CNTNAP4: variants seen among roughly 807,000 people sequenced by gnomAD.
CNTNAP4 encodes contactin-associated protein-like 4.
Under a neutral mutation model 148.4 loss-of-function variants are expected in CNTNAP4, and 98 were observed. The ratio of observed to expected loss-of-function variants is 0.66; its 90% CI spans 0.56 to 0.78. The LOEUF (loss-of-function observed/expected upper bound fraction) is 0.78, where lower values mean the gene tolerates loss of function less well. Among genes scored for constraint, CNTNAP4 ranks in the 30% least tolerant of loss-of-function variants. The pLI is 0.00. For missense variants in CNTNAP4, 1,935 were observed against 1,565.6 expected, an observed-to-expected ratio of 1.24 and a Z score of -3.98; for synonymous variants, 730 against 565.1, an observed-to-expected ratio of 1.29 and a Z score of -4.14.
intron 2 of CNTNAP4, among the ~76,000 whole-genome samples, chr16:76,350,245 C>G (rs993065679): frequency 6.6e-6 from 1 of 152,122 alleles, no homozygotes; most frequent in African/African-American, 2.4e-5. Context: ...CATCCTCCCA[C>G]TGATTAAAAT....
intron 23 of CNTNAP4, among the ~76,000 whole-genome samples, chr16:76,554,972 T>C (rs769052390): frequency 6.6e-6 from 1 of 151,688 alleles, no homozygotes; most frequent in Non-Finnish European, 1.5e-5. Context: ...TTTATTCATA[T>C]CATATATGAA....
chr16:76,376,819 T>G (rs1393211652), intron 3 of CNTNAP4, among the ~76,000 whole-genome samples: 1 of 151,876 alleles, frequency 6.6e-6, no homozygotes, highest in Non-Finnish European at 1.5e-5. Context: ...GTCAGAACCA[T>G]GTAGAAAAGG....
At chr16:76,479,655 T>C in intron 12 of CNTNAP4, 117 bp downstream of exon 12, 1 of 1,010,132 alleles carries the variant, frequency 9.9e-7, no homozygotes, top group South Asian at 1.7e-5. Flanking sequence ...AAATATGTAT[T>C]GTTCCTTAGA....
intron 3 of CNTNAP4, among the ~76,000 whole-genome samples, chr16:76,407,817 G>T (rs567777715): frequency 6.6e-6 from 1 of 152,192 alleles, no homozygotes; most frequent in Non-Finnish European, 1.5e-5. Flanking sequence ...TGAGAGGATT[G>T]ACTTTAATTT....
At chr16:76,345,413 C>T (rs1597264892) in intron 2 of CNTNAP4, among the ~76,000 whole-genome samples, 2 of 152,146 alleles carry the variant, frequency 1.3e-5, no homozygotes, top group Non-Finnish European at 2.9e-5. Flanking sequence ...AGAAAAATTG[C>T]ACTGAATTGA....
chr16:76,476,228 G>A (rs907761482), intron 11 of CNTNAP4, among the ~76,000 whole-genome samples, 183 bp downstream of exon 11: 2 of 152,144 alleles, frequency 1.3e-5, no homozygotes, highest in Admixed American at 6.5e-5. Context: ...AACAAACTTG[G>A]CAAAGGGAAA....
At chr16:76,534,358 G>A (rs1293185172) in intron 17 of CNTNAP4, among the ~76,000 whole-genome samples, 4 of 152,164 alleles carry the variant, frequency 2.6e-5, no homozygotes, top group Non-Finnish European at 5.9e-5. Context: ...AAGTGAACAT[G>A]TTTTAGGAAA....
intron 9 of CNTNAP4, among the ~76,000 whole-genome samples, chr16:76,465,462 C>G (rs944470068): frequency 1.4e-4 from 21 of 152,066 alleles, no homozygotes; most frequent in Non-Finnish European, 1.2e-4. Context: ...TTCCTGGTGA[C>G]TCTGGGTTTG....
intron 3 of CNTNAP4, among the ~76,000 whole-genome samples, chr16:76,374,324 G>A (rs770162774): frequency 1.3e-5 from 2 of 152,174 alleles, no homozygotes; most frequent in African/African-American, 4.8e-5. Flanking sequence ...TAGCGAGTTT[G>A]TGGAAAGTTG....
intron 3 of CNTNAP4, among the ~76,000 whole-genome samples, chr16:76,410,042 G>A (rs533159515): frequency 6.6e-6 from 1 of 151,912 alleles, no homozygotes; most frequent in East Asian, 1.9e-4. Flanking sequence ...TTAGGAATCT[G>A]ATTCAAGATT....
intron 1 of CNTNAP4, among the ~76,000 whole-genome samples, chr16:76,309,345 C>A (rs1960839607): frequency 6.6e-6 from 1 of 151,842 alleles, no homozygotes; most frequent in African/African-American, 2.4e-5. Context: ...GGTGGTTGGC[C>A]ACCACCATTT....
intron 1 of CNTNAP4, among the ~76,000 whole-genome samples, chr16:76,310,881 A>T (rs1190034753): frequency 3.9e-5 from 6 of 151,988 alleles, no homozygotes; most frequent in Admixed American, 3.3e-4. Context: ...CTGGCACCAG[A>T]TTGCCTGAAT....
At chr16:76,477,291 C>G (rs888962763) in intron 11 of CNTNAP4, among the ~76,000 whole-genome samples, 1 of 152,112 alleles carries the variant, frequency 6.6e-6, no homozygotes, top group Non-Finnish European at 1.5e-5. Context: ...TTCTGGCGCA[C>G]AAATGGGAAG....
intron 3 of CNTNAP4, among the ~76,000 whole-genome samples, chr16:76,408,982 G>A (rs780086916): frequency 2.0e-5 from 3 of 151,842 alleles, no homozygotes; most frequent in African/African-American, 2.4e-5. Context: ...TCAAACCTGC[G>A]GGAACAAAGC....
chr16:76,464,358 C>G (rs950982937), intron 9 of CNTNAP4, among the ~76,000 whole-genome samples: 2 of 152,142 alleles, frequency 1.3e-5, no homozygotes, highest in Admixed American at 1.3e-4. Flanking sequence ...AGGGACCTGG[C>G]TGGTACAGGC....
At chr16:76,290,896 T>G (rs1407732823) in intron 1 of CNTNAP4, among the ~76,000 whole-genome samples, 1 of 152,166 alleles carries the variant, frequency 6.6e-6, no homozygotes, top group African/African-American at 2.4e-5. Context: ...TGGTGTAGCC[T>G]CTCCTCCTGA....
At chr16:76,460,773 A>AATATATATATAT (rs150425968) in intron 8 of CNTNAP4, among the ~76,000 whole-genome samples, 9 of 57,324 alleles carry the variant, frequency 1.6e-4, no homozygotes, top group African/African-American at 3.2e-4. Context: ...AAAAAAAAAA[A>AATATATATATAT]ATATATATAT....
At chr16:76,553,962 T>A (rs1292424339) in intron 23 of CNTNAP4, 55 bp downstream of exon 23, 1 of 1,113,576 alleles carries the variant, frequency 9.0e-7, no homozygotes, top group South Asian at 1.3e-5. Context: ...ATAATGATGA[T>A]GAATATTTAG....
intron 3 of CNTNAP4, among the ~76,000 whole-genome samples, chr16:76,362,601 A>C (rs1167647442): frequency 6.6e-6 from 1 of 152,230 alleles, no homozygotes; most frequent in Non-Finnish European, 1.5e-5. Context: ...AAATAAACCC[A>C]TACATCTATG....
Sources: gnomAD v4.1 joint callset for allele counts (sites outside exome capture counted in the v4.1 genomes callset) on GRCh38, gnomAD v4.1.1 for gene constraint, MANE v1.5 for transcripts, NCBI Gene and HGNC (gene_info 2026-07-23, HGNC 2026-07-21) for gene names.